Variants in STAU1 observed in about 807,000 individuals in gnomAD.
The protein encoded by STAU1 is double-stranded RNA-binding protein Staufen homolog 1.
Under a neutral mutation model 62.9 loss-of-function variants are expected in STAU1, and 13 were observed. The ratio of observed to expected loss-of-function variants is 0.21; its 90% CI spans 0.13 to 0.33. The LOEUF (loss-of-function observed/expected upper bound fraction) is 0.33. STAU1 is among the 10% of genes least tolerant of loss of function. The pLI is 1.00. For synonymous variants in STAU1, 269 were observed against 265.1 expected (o/e 1.01, Z -0.14); for missense variants, 571 against 712.1 (o/e 0.80, Z 2.25).
In STAU1 at chr20:49,167,138, C is replaced by G. The variant is rs78919084; in HGVS notation, c.-84-853G>C. ...CTTCTAAATACATTAAATTTCTTCA[C>G]GAGACAAAAATAAGGACAGTTGTGT... On this transcript the variant is annotated intron_variant, in intron 2 of 13. Coordinates refer to ENST00000371856, the MANE Select transcript of STAU1 (RefSeq NM_017453.4). Among the ~76,000 whole-genome samples, 6 of 152,020 alleles carry G rather than the reference C, an allele frequency of 3.9e-5. 1 individual carries two copies. The highest frequency in any genetic ancestry group is 1.4e-4 in the African/African-American group (6 of 41,394).
chr20:49,178,820 T>C (rs1469586378), intron 1 of STAU1, among the ~76,000 whole-genome samples: 1 of 148,130 alleles, frequency 6.8e-6, no homozygotes, highest in East Asian at 2.0e-4. Context: ...ACGCCTGTAA[T>C]CCCAGCACTT....
chr20:49,160,240 C>G (rs2093427637), intron 3 of STAU1, among the ~76,000 whole-genome samples: 1 of 152,194 alleles, frequency 6.6e-6, no homozygotes, highest in Non-Finnish European at 1.5e-5. Context: ...GGCAACTGAA[C>G]CGTATTATGC....
chr20:49,148,366 C>T (rs1450730272), intron 5 of STAU1, among the ~76,000 whole-genome samples: 2 of 152,112 alleles, frequency 1.3e-5, no homozygotes, highest in Non-Finnish European at 2.9e-5. Context: ...GTATACGAAA[C>T]ACAAATAAAT....
the STAU1 span, among the ~76,000 whole-genome samples, chr20:49,216,007 CAAAAAAA>C: frequency 8.2e-5 from 3 of 36,452 alleles, no homozygotes; most frequent in Non-Finnish European, 1.0e-4. Flanking sequence ...GACTATGTCT[CAAAAAAA>C]AAAAAAAAAA....
the STAU1 span, among the ~76,000 whole-genome samples, chr20:49,214,283 C>T: frequency 6.6e-6 from 1 of 151,956 alleles, no homozygotes; most frequent in African/African-American, 2.4e-5. Flanking sequence ...TTTGGGAGGC[C>T]AAGGCAGGTG....
intron 5 of STAU1, among the ~76,000 whole-genome samples, chr20:49,139,914 G>A (rs532877909): frequency 4.0e-5 from 6 of 151,142 alleles, no homozygotes; most frequent in African/African-American, 9.7e-5. Flanking sequence ...CAGTGCGTGC[G>A]GTGGCTCACA....
the STAU1 span, among the ~76,000 whole-genome samples, chr20:49,198,405 C>T: frequency 2.1e-4 from 32 of 151,942 alleles, 1 homozygote; most frequent in African/African-American, 7.5e-4. Flanking sequence ...TACTCAGGAG[C>T]CTGAGTCAGG....
At position 49,115,660 on chromosome 20, in the gene STAU1, A is replaced by G. The variant is rs2092302798; in HGVS notation, c.1718+122T>C. On this transcript the variant is annotated intron_variant, in intron 13 of 13. Transcript: ENST00000371856. ...AGAGAATCTGGAAAACTTTCAGGCAAAAGGGCCAGAAAGTAACTCAGGCAA... is the reference window on the plus strand; with the variant it reads ...AGAGAATCTGGAAAACTTTCAGGCAGAAGGGCCAGAAAGTAACTCAGGCAA... 5.8e-6 allele frequency: 5 copies of G among 869,538 alleles called. No individual in the cohort carries two copies. In the South Asian group the frequency reaches 6.0e-5, roughly 10 times the overall value. 53.9% of individuals were successfully genotyped at this position (869,538 alleles called of 1,614,324 possible).
chr20:49,200,722 T>C, the STAU1 span, among the ~76,000 whole-genome samples: 1 of 151,882 alleles, frequency 6.6e-6, no homozygotes, highest in Non-Finnish European at 1.5e-5. Context: ...TTGCTTCCAT[T>C]TCTATGGCAT....
chr20:49,209,226 C>T, the STAU1 span, among the ~76,000 whole-genome samples: 31 of 149,294 alleles, frequency 2.1e-4, no homozygotes, highest in Non-Finnish European at 4.0e-4. Context: ...TAAGCCACCG[C>T]GCCAGGCCCC....
intron 10 of STAU1, 73 bp from the exon 11 acceptor site, chr20:49,118,169 C>T: frequency 6.8e-7 from 1 of 1,480,564 alleles, no homozygotes; most frequent in Non-Finnish European, 9.4e-7. Flanking sequence ...CCATCAAACC[C>T]CACGCTGGCC....
intron 5 of STAU1, among the ~76,000 whole-genome samples, chr20:49,145,220 T>A (rs1039786762): frequency 6.6e-5 from 10 of 151,212 alleles, no homozygotes; most frequent in African/African-American, 2.4e-4. Context: ...GGTCAGGAGT[T>A]CGAGATGAGC....
At chr20:49,123,282 G>T in intron 7 of STAU1, 47 bp from the exon 8 acceptor site, 2 of 1,613,570 alleles carry the variant, frequency 1.2e-6, no homozygotes, top group African/African-American at 1.3e-5. Flanking sequence ...TTCACCGCAT[G>T]AACTTGGTCA....
intron 2 of STAU1, among the ~76,000 whole-genome samples, chr20:49,170,908 G>T (rs1028922023): frequency 2.6e-5 from 4 of 152,094 alleles, no homozygotes; most frequent in Non-Finnish European, 5.9e-5. Flanking sequence ...TCTGATGTAA[G>T]ATGGATATAC....
chr20:49,151,265 C>G (rs1342056586), intron 5 of STAU1, among the ~76,000 whole-genome samples: 1 of 152,104 alleles, frequency 6.6e-6, no homozygotes, highest in African/African-American at 2.4e-5. Context: ...TCTTGAGCAC[C>G]GAAGACTTCA....
At chr20:49,193,779 G>T in the STAU1 span, among the ~76,000 whole-genome samples, 3 of 152,010 alleles carry the variant, frequency 2.0e-5, no homozygotes, top group African/African-American at 7.2e-5. Flanking sequence ...CCATCCTGGC[G>T]AACACAGTGA....
chr20:49,180,797 T>C (rs924790488), intron 1 of STAU1, among the ~76,000 whole-genome samples: 2 of 152,220 alleles, frequency 1.3e-5, no homozygotes, highest in African/African-American at 2.4e-5. Flanking sequence ...CAAGGGTCCA[T>C]CTAAAAGACT....
At chr20:49,202,413 A>C in the STAU1 span, among the ~76,000 whole-genome samples, 1 of 150,454 alleles carries the variant, frequency 6.6e-6, no homozygotes, top group South Asian at 2.1e-4. Context: ...AAAACATAAA[A>C]ATTAGCCGGG....
intron 10 of STAU1, 112 bp from the exon 11 acceptor site, chr20:49,118,208 G>C (rs1489150512): frequency 7.3e-7 from 1 of 1,369,578 alleles, no homozygotes; most frequent in Admixed American, 1.8e-5. Flanking sequence ...GCAGCGCAGG[G>C]AATCAGGGAA....
Sources: allele counts gnomAD v4.1 joint callset (sites outside exome capture counted in the v4.1 genomes callset), GRCh38; gene constraint gnomAD v4.1.1; transcripts MANE v1.5; gene names NCBI Gene and HGNC (gene_info 2026-07-23, HGNC 2026-07-21).